The following DLG2 variants were observed in gnomAD, a reference collection of about 807,000 sequenced individuals.
The protein encoded by DLG2 is discs large MAGUK scaffold protein 2.
Under a neutral mutation model 132.5 loss-of-function variants are expected in DLG2, and 45 were observed. The ratio of observed to expected loss-of-function variants is 0.34; its 90% CI spans 0.27 to 0.44. DLG2 has a LOEUF of 0.44. Ranked by LOEUF, DLG2 falls within the 20% of genes least tolerant of loss-of-function variation. DLG2 has a pLI of 1.00. For synonymous variants in DLG2, 424 were observed against 419.6 expected (o/e 1.01, Z -0.13); for missense variants, 1,045 against 1,196.9 (o/e 0.87, Z 1.87).
chr11:83,665,490 A>G (rs2075328780), intron 18 of DLG2, among the ~76,000 whole-genome samples: 1 of 152,202 alleles, frequency 6.6e-6, no homozygotes, highest in Admixed American at 6.5e-5. Flanking sequence ...TACTTTCTAA[A>G]TATTAGATTA....
intron 21 of DLG2, among the ~76,000 whole-genome samples, chr11:83,521,352 T>G (rs1353900182): frequency 6.6e-6 from 1 of 152,222 alleles, no homozygotes; most frequent in Non-Finnish European, 1.5e-5. Flanking sequence ...AACCTGGCAA[T>G]CAATCTAAAA....
intron 7 of DLG2, among the ~76,000 whole-genome samples, chr11:84,370,723 C>A (rs756508069): frequency 1.1e-4 from 16 of 152,154 alleles, no homozygotes; most frequent in Non-Finnish European, 1.8e-4. Flanking sequence ...CTCTTTACCA[C>A]CTATTAGGTC....
At chr11:84,303,871 T>G (rs1001688740) in intron 7 of DLG2, among the ~76,000 whole-genome samples, 16 of 152,170 alleles carry the variant, frequency 1.1e-4, no homozygotes, top group African/African-American at 3.6e-4. Flanking sequence ...GCATAATCAG[T>G]AATAATAATA....
chr11:85,103,592 C>T (rs1213647909), intron 6 of DLG2, among the ~76,000 whole-genome samples: 1 of 151,690 alleles, frequency 6.6e-6, no homozygotes, highest in Non-Finnish European at 1.5e-5. Flanking sequence ...TGATGATAGA[C>T]CTAAATGCAA....
At chr11:84,804,026 C>T (rs191224936) in intron 6 of DLG2, among the ~76,000 whole-genome samples, 3 of 152,224 alleles carry the variant, frequency 2.0e-5, no homozygotes, top group African/African-American at 7.2e-5. Flanking sequence ...TTTAAAAATG[C>T]ATTTTACTAT....
intron 21 of DLG2, 108 bp downstream of exon 21, chr11:83,532,600 T>A (rs1268301326): frequency 1.2e-6 from 1 of 865,780 alleles, no homozygotes; most frequent in East Asian, 2.5e-5. Context: ...AGTGCTCTAC[T>A]GTCTGGTACC....
chr11:85,475,994 T>C (rs1338775258), intron 3 of DLG2, among the ~76,000 whole-genome samples: 1 of 152,142 alleles, frequency 6.6e-6, no homozygotes, highest in African/African-American at 2.4e-5. Context: ...AGTTATGCAT[T>C]GTTTAATGAC....
At chr11:85,032,636 CATT>C (rs2061107406) in intron 6 of DLG2, among the ~76,000 whole-genome samples, 1 of 152,112 alleles carries the variant, frequency 6.6e-6, no homozygotes, top group Non-Finnish European at 1.5e-5. Context: ...TCGTCAGAAT[CATT>C]ATTATTGGTT....
At chr11:85,470,936 GACGCA>G (rs901892125) in intron 3 of DLG2, among the ~76,000 whole-genome samples, 7 of 152,156 alleles carry the variant, frequency 4.6e-5, no homozygotes, top group Admixed American at 4.6e-4. Flanking sequence ...TGTAAATCCA[GACGCA>G]ACTGTCTTAT....
chr11:85,503,700 G>A (rs935855085), intron 3 of DLG2, among the ~76,000 whole-genome samples: 1 of 152,208 alleles, frequency 6.6e-6, no homozygotes, highest in East Asian at 1.9e-4. Context: ...GGGAGCCTAA[G>A]GTGGGAGGAC....
At chr11:84,059,204 G>C (rs574297626) in intron 11 of DLG2, 111 bp downstream of exon 11, 39 of 1,040,408 alleles carry the variant, frequency 3.7e-5, no homozygotes, top group Non-Finnish European at 5.0e-5. Context: ...TAAATCTCTT[G>C]GTAAGCACTG....
chr11:85,059,258 AAGT>A (rs964520672), intron 6 of DLG2, among the ~76,000 whole-genome samples: 78 of 151,532 alleles, frequency 5.1e-4, no homozygotes, highest in African/African-American at 1.9e-3. Context: ...GGACCTAACA[AAGT>A]AGCTACTGAA....
intron 6 of DLG2, among the ~76,000 whole-genome samples, chr11:84,977,966 C>T (rs550496257): frequency 6.6e-6 from 1 of 152,266 alleles, no homozygotes; most frequent in African/African-American, 2.4e-5. Context: ...TCATCCAAAC[C>T]TTGAGTCTGG....
intron 7 of DLG2, among the ~76,000 whole-genome samples, chr11:84,301,651 CA>C (rs753899806): frequency 0.035 from 925 of 26,590 alleles, 3 homozygotes; most frequent in African/African-American, 0.091. Flanking sequence ...AGGCGAGACT[CA>C]AAAAAAAAAA....
chr11:84,997,184 G>C (rs1278483054), intron 6 of DLG2: 3 of 153,148 alleles, frequency 2.0e-5, no homozygotes, highest in Admixed American at 6.5e-5. Flanking sequence ...TTAATAAACT[G>C]CACATCAAAA....
intron 6 of DLG2, among the ~76,000 whole-genome samples, chr11:84,624,989 T>C (rs992494850): frequency 6.8e-6 from 1 of 147,794 alleles, no homozygotes; most frequent in Admixed American, 6.7e-5. Flanking sequence ...TCCTCCCAAG[T>C]AGCTGGGACT....
intron 3 of DLG2, among the ~76,000 whole-genome samples, chr11:85,594,904 A>G (rs943551040): frequency 5.9e-5 from 9 of 151,852 alleles, no homozygotes; most frequent in Non-Finnish European, 1.3e-4. Flanking sequence ...CGTCTCTACC[A>G]AAAATAAAAA....
In DLG2 at chr11:83,797,721, T is replaced by C. The variant is rs571627256; in HGVS notation, c.1723-10929A>G. Among the ~76,000 whole-genome samples, 409 of 152,194 alleles carry C rather than the reference T, an allele frequency of 2.7e-3. 3 individuals carry two copies. The highest frequency in any genetic ancestry group is 0.01 in the Middle Eastern group (3 of 294). Reference sequence around the variant, plus strand: ...TTTTAGTAGAGATGGGGTTTCACTGTATTAGCCAGGATGGTCTCGATCTCC... The same window carrying C: ...TTTTAGTAGAGATGGGGTTTCACTGCATTAGCCAGGATGGTCTCGATCTCC... On this transcript the variant is annotated intron_variant, in intron 17 of 27. Coordinates refer to ENST00000376104, the MANE Select transcript of DLG2 (RefSeq NM_001142699.3).
chr11:83,497,518 C>T (rs2094209173), intron 21 of DLG2, among the ~76,000 whole-genome samples: 1 of 150,150 alleles, frequency 6.7e-6, no homozygotes, highest in Non-Finnish European at 1.5e-5. Context: ...CTGGGCAACA[C>T]AGAGAGACTT....
Sources: gnomAD v4.1 joint callset for allele counts (sites outside exome capture counted in the v4.1 genomes callset) on GRCh38, gnomAD v4.1.1 for gene constraint, MANE v1.5 for transcripts, NCBI Gene and HGNC (gene_info 2026-07-23, HGNC 2026-07-21) for gene names.